MTUS2: variants seen among roughly 807,000 people sequenced by gnomAD.
The protein encoded by MTUS2 is microtubule-associated tumor suppressor candidate 2.
MTUS2 carries 40 observed loss-of-function variants against 114.1 expected under a neutral mutation model. The observed-to-expected ratio is 0.35, with a 90% confidence interval of 0.27 to 0.46. The LOEUF is 0.46. MTUS2 is among the 20% of genes least tolerant of loss of function. The probability of loss-of-function intolerance (pLI) is 1.00; values close to 1 mark genes in which losing one functional copy is unlikely to be tolerated. For synonymous variants in MTUS2, 688 were observed against 672.0 expected (o/e 1.02, Z -0.37); for missense variants, 1,679 against 1,705.4 (o/e 0.98, Z 0.27).
At chr13:29,401,205 C>A (rs1278239046) in intron 8 of MTUS2, among the ~76,000 whole-genome samples, 3 of 152,192 alleles carry the variant, frequency 2.0e-5, no homozygotes, top group Non-Finnish European at 4.4e-5. Context: ...AGGCTGGTCT[C>A]AAACTCCTGG....
At chr13:29,311,160 A>T (rs916404281) in intron 6 of MTUS2, among the ~76,000 whole-genome samples, 7 of 152,212 alleles carry the variant, frequency 4.6e-5, no homozygotes, top group African/African-American at 1.4e-4. Flanking sequence ...TCAAGTTTGT[A>T]AACAGACTTC....
chr13:29,404,656 C>T (rs1239007727), intron 8 of MTUS2, among the ~76,000 whole-genome samples: 1 of 152,196 alleles, frequency 6.6e-6, no homozygotes. Flanking sequence ...ACTCACACCT[C>T]TTCACTTCAG....
intron 2 of MTUS2, among the ~76,000 whole-genome samples, chr13:28,870,308 A>G (rs572086719): frequency 1.2e-4 from 18 of 152,282 alleles, no homozygotes; most frequent in Non-Finnish European, 1.9e-4. Flanking sequence ...AATATCTCTT[A>G]CTGTTTCAGT....
chr13:29,111,249 G>T lies in MTUS2; in HGVS notation c.2644+10279G>T, dbSNP rs143687809. ...TTAATGATGCTTTCCCTCTGGGCCA[G>T]ACTTTACTTCTGTTATTTTTTCTCT... On this transcript the variant is annotated intron_variant, in intron 5 of 15. Transcript: ENST00000612955. 5.5e-3 allele frequency among the ~76,000 whole-genome samples: 839 copies of T among 152,284 alleles called. 9 individuals carry two copies. The highest frequency in any genetic ancestry group is 0.019 in the African/African-American group (800 of 41,560).
chr13:29,293,591 CAAA>C (rs1196017079), intron 6 of MTUS2, among the ~76,000 whole-genome samples: 7 of 152,164 alleles, frequency 4.6e-5, no homozygotes, highest in Admixed American at 2.0e-4. Context: ...AGGACCCTCT[CAAA>C]AACATCCTTG....
At position 28,940,360 on chromosome 13, in the gene MTUS2, A is replaced by T. The variant is rs116733947; in HGVS notation, c.-242-84097A>T. On this transcript the variant is annotated intron_variant, in intron 2 of 15. Transcript: ENST00000612955. ...AAGATGCTAAGTGAAAGAAGCTGGA[A>T]ATAAAAGGTCACATATTGTATAATT... Among the ~76,000 whole-genome samples the T allele has an allele frequency of 7.8e-3, 1,181 of 152,346 alleles. 17 individuals are homozygous for T. Among genetic ancestry groups the T allele is most frequent in the African/African-American group, 0.027 (1,115 of 41,578 alleles).
At chr13:29,023,878 A>G (rs1351921347) in intron 2 of MTUS2, among the ~76,000 whole-genome samples, 2 of 152,220 alleles carry the variant, frequency 1.3e-5, no homozygotes, top group Non-Finnish European at 2.9e-5. Context: ...CCGTAATGTC[A>G]GTTTCATTAC....
chr13:29,280,612 CT>C (rs1259567821), intron 5 of MTUS2, among the ~76,000 whole-genome samples: 1 of 152,076 alleles, frequency 6.6e-6, no homozygotes, highest in African/African-American at 2.4e-5. Flanking sequence ...TTAGACTAAC[CT>C]TTGAAAAGGA....
rs113219458 is a variant in MTUS2, at chr13:28,973,510, C to T, written c.-242-50947C>T. Among the ~76,000 whole-genome samples, 763 of 152,312 alleles carry T rather than the reference C, an allele frequency of 5.0e-3. 8 individuals are homozygous for T. The highest frequency in any genetic ancestry group is 0.017 in the African/African-American group (711 of 41,552). The stretch of plus-strand genomic sequence containing the variant: ...TTGGGTCACAGGATATATGCATCTT[C>T]GGCTATCCTGAATGTTGCCAAACTG... On this transcript the variant is annotated intron_variant, in intron 2 of 15. Transcript: ENST00000612955.
At chr13:28,907,696 G>A (rs1479036402) in intron 2 of MTUS2, among the ~76,000 whole-genome samples, 1 of 151,586 alleles carries the variant, frequency 6.6e-6, no homozygotes, top group Non-Finnish European at 1.5e-5. Flanking sequence ...TCAACAAAAA[G>A]AGCTAACTAT....
chr13:29,501,075 T>G (rs368408478), intron 14 of MTUS2, 22 bp from the exon 15 acceptor site: 41 of 1,608,642 alleles, frequency 2.5e-5, no homozygotes, highest in Non-Finnish European at 3.2e-5. Context: ...CTAGAACCTC[T>G]TAAACACTGT....
chr13:28,916,740 C>G (rs1880766677), intron 2 of MTUS2, among the ~76,000 whole-genome samples: 1 of 151,502 alleles, frequency 6.6e-6, no homozygotes, highest in Non-Finnish European at 1.5e-5. Context: ...TCTTTCTATC[C>G]AATTTTCATG....
chr13:29,333,493 G>A lies in MTUS2; in HGVS notation c.2905+8782G>A, dbSNP rs114728034. 4.7e-3 allele frequency among the ~76,000 whole-genome samples: 713 copies of A among 152,292 alleles called. 6 individuals carry two copies. Among genetic ancestry groups the A allele is most frequent in the African/African-American group, 0.016 (664 of 41,560 alleles). ...ATTACAGGCTTGAGCCACCGCAGCC[G>A]GCCTTGAGTGAGTTTCATAATCCTG... On this transcript the variant is annotated intron_variant, in intron 7 of 15. Transcript: ENST00000612955.
At chr13:29,371,016 A>G (rs375767602) in intron 8 of MTUS2, among the ~76,000 whole-genome samples, 1 of 152,144 alleles carries the variant, frequency 6.6e-6, no homozygotes, top group African/African-American at 2.4e-5. Flanking sequence ...GGCTGATTCT[A>G]TTGGGTTCCA....
At chr13:29,477,953 T>G (rs1880827257) in intron 9 of MTUS2, among the ~76,000 whole-genome samples, 1 of 152,176 alleles carries the variant, frequency 6.6e-6, no homozygotes, top group Non-Finnish European at 1.5e-5. Flanking sequence ...ACGATAATAT[T>G]TAAATTTATT....
chr13:28,935,947 C>T (rs557063451), intron 2 of MTUS2, among the ~76,000 whole-genome samples: 1 of 152,086 alleles, frequency 6.6e-6, no homozygotes. Flanking sequence ...GGATCTCGCT[C>T]TGTTGCCCAG....
chr13:29,288,548 A>G (rs1378108153), intron 6 of MTUS2, among the ~76,000 whole-genome samples: 2 of 152,088 alleles, frequency 1.3e-5, no homozygotes, highest in Non-Finnish European at 1.5e-5. Flanking sequence ...CAAGAAAAGG[A>G]GGGAGTAAAG....
chr13:28,904,573 G>A (rs1409908903), intron 2 of MTUS2, among the ~76,000 whole-genome samples: 2 of 152,140 alleles, frequency 1.3e-5, no homozygotes, highest in Admixed American at 6.6e-5. Flanking sequence ...TAGATATGCA[G>A]CATTATTTCT....
Position 29,169,193 on chromosome 13 carries a change from T to G in MTUS2, c.2644+68223T>G, listed in dbSNP as rs960739583. On this transcript the variant is annotated intron_variant, in intron 5 of 15. Transcript: ENST00000612955. Reference sequence around the variant, plus strand: ...TGTTGAAGAGACTGAAATGTAATGCTTGTCATTTTATAAAAGTGAGATTTA... The same window carrying G: ...TGTTGAAGAGACTGAAATGTAATGCGTGTCATTTTATAAAAGTGAGATTTA... 2.6e-5 allele frequency among the ~76,000 whole-genome samples: 4 copies of G among 152,162 alleles called. No homozygotes were observed. The South Asian group carries it at 8.3e-4, about 32-fold the overall frequency.
Sources: allele counts gnomAD v4.1 joint callset (sites outside exome capture counted in the v4.1 genomes callset), GRCh38; gene constraint gnomAD v4.1.1; transcripts MANE v1.5; gene names NCBI Gene and HGNC (gene_info 2026-07-23, HGNC 2026-07-21).